Variants in HIVEP1 observed in about 807,000 individuals in gnomAD.
HIVEP1 encodes the protein HIVEP zinc finger 1, also known as zinc finger protein 40.
Under a neutral mutation model 180.0 loss-of-function variants are expected in HIVEP1, and 36 were observed. The observed-to-expected ratio is 0.20, with a 90% confidence interval of 0.15 to 0.26. The LOEUF (loss-of-function observed/expected upper bound fraction) is 0.26, where lower values mean the gene tolerates loss of function less well. Among genes scored for constraint, HIVEP1 ranks in the 10% least tolerant of loss-of-function variants. The probability of loss-of-function intolerance (pLI) is 1.00; values close to 1 mark genes in which losing one functional copy is unlikely to be tolerated. For missense variants in HIVEP1, 3,143 were observed against 3,268.7 expected, an observed-to-expected ratio of 0.96 and a Z score of 0.94; for synonymous variants, 1,239 against 1,239.0, an observed-to-expected ratio of 1.00 and a Z score of 0.00.
chr6:12,055,716 G>A (rs917521242), intron 2 of HIVEP1, among the ~76,000 whole-genome samples: 3 of 152,144 alleles, frequency 2.0e-5, no homozygotes, highest in Non-Finnish European at 4.4e-5. Context: ...TACAAATTGA[G>A]TTATTTCTGC....
chr6:12,130,820 A>T lies in HIVEP1; in HGVS notation c.6263A>T (p.Tyr2088Phe). 6.2e-7 allele frequency: 1 copy of T among 1,611,948 alleles called. No individual in the cohort carries two copies. The highest frequency in any genetic ancestry group is 8.5e-7 in the Non-Finnish European group (1 of 1,178,102). ...VYVRGRGRGKYICEECGIRCK... is the reference protein window; with the variant it reads ...VYVRGRGRGKFICEECGIRCK... ...GTCCGAGGCAGGGGAAGAGGAAAATACATTTGTGAAGAATGTGGAATACGT... is the reference window on the plus strand; with the variant it reads ...GTCCGAGGCAGGGGAAGAGGAAAATTCATTTGTGAAGAATGTGGAATACGT... Residue 2088 changes from tyrosine (Y) to phenylalanine (F), a missense_variant, in exon 6 of 9, where the codon TAC (tyrosine) becomes TTC (phenylalanine). Tyr to Phe is a conservative substitution (Grantham distance 22). Transcript: ENST00000379388.
intron 2 of HIVEP1, among the ~76,000 whole-genome samples, chr6:12,031,239 T>C (rs1002920969): frequency 1.1e-4 from 17 of 152,178 alleles, no homozygotes; most frequent in Admixed American, 1.1e-3. Flanking sequence ...AACTTTCAGC[T>C]GGACCCTCTT....
At chr6:12,202,210 G>A in the HIVEP1 span, among the ~76,000 whole-genome samples, 99 of 151,982 alleles carry the variant, frequency 6.5e-4, no homozygotes, top group African/African-American at 1.6e-3. Flanking sequence ...GCTGGAGTGC[G>A]GTGGTGCGAT....
At chr6:12,033,072 C>CAA (rs924217019) in intron 2 of HIVEP1, among the ~76,000 whole-genome samples, 2 of 152,202 alleles carry the variant, frequency 1.3e-5, no homozygotes, top group African/African-American at 2.4e-5. Context: ...TCGACCCATA[C>CAA]AACCATTCTG....
intron 7 of HIVEP1, among the ~76,000 whole-genome samples, chr6:12,157,780 C>A (rs750298225): frequency 7.2e-5 from 11 of 151,958 alleles, no homozygotes; most frequent in Non-Finnish European, 1.5e-4. Context: ...GAGGAACTTC[C>A]GTTTAACATT....
intron 4 of HIVEP1, 97 bp from the exon 5 acceptor site, chr6:12,129,662 A>G (rs1758307834): frequency 2.1e-6 from 2 of 970,794 alleles, no homozygotes; most frequent in Non-Finnish European, 3.3e-6. Flanking sequence ...CGTTGACCAT[A>G]TGCTCTGTAC....
downstream of HIVEP1, among the ~76,000 whole-genome samples, chr6:12,165,281 G>A (rs1355831824): frequency 3.3e-5 from 5 of 152,050 alleles, no homozygotes; most frequent in Admixed American, 6.6e-5. Context: ...GCCTAAAATG[G>A]GCAACGTTCC....
chr6:12,054,359 C>A (rs1326852039), intron 2 of HIVEP1, among the ~76,000 whole-genome samples: 1 of 152,176 alleles, frequency 6.6e-6, no homozygotes, highest in Non-Finnish European at 1.5e-5. Flanking sequence ...TCACTCATAA[C>A]TGTACCATCC....
Position 12,123,270 on chromosome 6 carries a change from C to G in HIVEP1, c.3475C>G (p.Pro1159Ala), listed in dbSNP as rs1757810026. Residue 1159 changes from proline (P) to alanine (A), a missense_variant, in exon 4 of 9, where the codon CCA becomes GCA. Pro to Ala is a conservative substitution (Grantham distance 27). Coordinates refer to ENST00000379388, the MANE Select transcript of HIVEP1 (RefSeq NM_002114.4). ...GCCTGAGCCTTTTGAAAGAGCCTCCCCAGTTTCTTTCCAGGAGCTGAATAG... is the reference window on the plus strand; with the variant it reads ...GCCTGAGCCTTTTGAAAGAGCCTCCGCAGTTTCTTTCCAGGAGCTGAATAG... ...DKPEPFERAS[P>A]VSFQELNRTG... The G allele has an allele frequency of 6.2e-7, 1 of 1,614,160 alleles. No homozygotes were observed. Among genetic ancestry groups the G allele is most frequent in the East Asian group, 2.2e-5 (1 of 44,874 alleles).
At chr6:12,022,852 G>T (rs746119403) in intron 2 of HIVEP1, among the ~76,000 whole-genome samples, 1 of 152,178 alleles carries the variant, frequency 6.6e-6, no homozygotes, top group Non-Finnish European at 1.5e-5. Context: ...GTTGGGATCT[G>T]GGGGAGAGAG....
chr6:12,052,900 G>A (rs928588071), intron 2 of HIVEP1, among the ~76,000 whole-genome samples: 2 of 152,180 alleles, frequency 1.3e-5, no homozygotes, highest in Non-Finnish European at 2.9e-5. Context: ...AGGCTAAAAT[G>A]GTTAGGAAAT....
At chr6:12,011,038 C>G (rs1767250559), upstream of HIVEP1, among the ~76,000 whole-genome samples, 1 of 152,178 alleles carries the variant, frequency 6.6e-6, no homozygotes, top group African/African-American at 2.4e-5. Context: ...GAAGCACCAG[C>G]GGGGCTTTGG....
chr6:12,036,547 C>T (rs906457344), intron 2 of HIVEP1, among the ~76,000 whole-genome samples: 4 of 152,154 alleles, frequency 2.6e-5, no homozygotes, highest in Non-Finnish European at 5.9e-5. Context: ...GATGCACAGC[C>T]CCTTGGGTGA....
chr6:12,198,009 T>C, the HIVEP1 span, among the ~76,000 whole-genome samples: 15 of 152,332 alleles, frequency 9.8e-5, no homozygotes, highest in Non-Finnish European at 2.2e-4. Flanking sequence ...GGGTGTCACA[T>C]GCAGGCTACT....
At chr6:12,018,521 A>C (rs887973683) in intron 2 of HIVEP1, among the ~76,000 whole-genome samples, 3 of 152,258 alleles carry the variant, frequency 2.0e-5, no homozygotes, top group African/African-American at 4.8e-5. Flanking sequence ...AATGGAGTTG[A>C]AGAGCTGATA....
chr6:12,035,751 G>A (rs1053391675), intron 2 of HIVEP1, among the ~76,000 whole-genome samples: 30 of 152,110 alleles, frequency 2.0e-4, no homozygotes, highest in Admixed American at 1.5e-3. Context: ...ATACATTTTC[G>A]AGTAGATATG....
At position 12,163,454 on chromosome 6, in the gene HIVEP1, C is replaced by T. The variant is rs371428048; in HGVS notation, c.7150C>T (p.Leu2384Phe). 1 of 1,614,158 alleles carries T rather than the reference C, an allele frequency of 6.2e-7. No homozygotes were observed. The highest frequency in any genetic ancestry group is 8.5e-7 in the Non-Finnish European group (1 of 1,180,032). ...PSPHTHLFSH[L>F]PLHSQQQSRT... ...TCCCCACACTCATTTGTTTAGCCAC[C>T]TTCCTTTGCATTCCCAGCAGCAATC... is the stretch of plus-strand genomic sequence containing the variant. The change falls in exon 9 of 9, where the codon CTT (leucine) becomes TTT (phenylalanine). Residue 2384 changes from leucine (L) to phenylalanine (F), a missense_variant. Leu to Phe is a conservative substitution (Grantham distance 22, BLOSUM62 0). Around this residue, in one of 12 missense-constraint regions of HIVEP1, gnomAD observed 595 missense variants for 602.2 expected, o/e 0.99. Transcript: ENST00000379388.
At position 12,125,466 on chromosome 6, in the gene HIVEP1, A is replaced by C. The variant is rs1273653693; in HGVS notation, c.5671A>C (p.Asn1891His). The part of the protein sequence containing the change: ...THISPLKCTD[N>H]NQERKSPGVK... ...TATTTCTCCTTTGAAATGTACAGAC[A>C]ATAACCAAGAAAGGAAGTCTCCAGG... is the stretch of plus-strand genomic sequence containing the variant. The change falls in exon 4 of 9, where the codon AAT (asparagine) becomes CAT (histidine). Residue 1891 changes from asparagine to histidine, a missense_variant. Physicochemically the swap from Asn to His is moderately conservative, Grantham distance 68. This residue lies in a region of HIVEP1 where 1,357 missense variants were observed against 1,260.5 expected (regional missense o/e 1.08). Transcript: ENST00000379388. 6.2e-7 allele frequency: 1 copy of C among 1,614,016 alleles called. No homozygotes were observed. Among genetic ancestry groups the C allele is most frequent in the Non-Finnish European group, 8.5e-7 (1 of 1,180,020 alleles).
chr6:12,115,503 C>G (rs909132546), intron 3 of HIVEP1, among the ~76,000 whole-genome samples: 5 of 152,062 alleles, frequency 3.3e-5, no homozygotes, highest in African/African-American at 1.2e-4. Context: ...TTTGGTCCCT[C>G]TCCTGAGTGT....
Sources: gnomAD v4.1 joint callset for allele counts (sites outside exome capture counted in the v4.1 genomes callset) on GRCh38, gnomAD v4.1.1 for gene constraint, gnomAD v4.1.1 regional missense constraint, MANE v1.5 for transcripts, NCBI Gene and HGNC (gene_info 2026-07-23, HGNC 2026-07-21) for gene names.